PCCA: variants seen among roughly 807,000 people sequenced by gnomAD.
The protein encoded by PCCA is propionyl-CoA carboxylase alpha chain, mitochondrial.
PCCA carries 74 observed loss-of-function variants against 101.3 expected under a neutral mutation model. That is an observed-to-expected ratio of 0.73 (90% CI 0.61 to 0.89). The LOEUF is 0.89. PCCA is among the 40% of genes least tolerant of loss of function. The probability of loss-of-function intolerance (pLI) is 0.00; values close to 1 mark genes in which losing one functional copy is unlikely to be tolerated. For synonymous variants in PCCA, 294 were observed against 313.6 expected (o/e 0.94, Z 0.66); for missense variants, 891 against 907.0 (o/e 0.98, Z 0.23).
Position 100,102,964 on chromosome 13 carries a change from A to G in PCCA, c.183+4A>G, listed in dbSNP as rs1406264920. 1 of 1,546,240 alleles carries G rather than the reference A, an allele frequency of 6.5e-7. No homozygotes were observed. The highest frequency in any genetic ancestry group is 8.9e-7 in the Non-Finnish European group (1 of 1,118,400). ...GGGATATGATCCTAATGAAAAAGTA[A>G]GTATTTAAAAGATATTCTCAACAAC... On this transcript the variant is annotated splice_donor_region_variant and intron_variant, in intron 2 of 23. Transcript: ENST00000376285.
rs182211748 is a variant in PCCA, at chr13:100,109,984, A to G, written c.184-1857A>G. ...CCATCTCTACTAAAAATACAAAGAAATTAGCCGGGCTTGGTGGTGCGCACC... is the reference window on the plus strand; with the variant it reads ...CCATCTCTACTAAAAATACAAAGAAGTTAGCCGGGCTTGGTGGTGCGCACC... On this transcript the variant is annotated intron_variant, in intron 2 of 23. Transcript: ENST00000376285. Among the ~76,000 whole-genome samples the G allele has an allele frequency of 1.4e-4, 22 of 152,214 alleles. No individual in the cohort carries two copies. The East Asian group carries it at 4.3e-3, about 29-fold the overall frequency.
At chr13:100,113,740 G>A (rs1279741029) in intron 4 of PCCA, among the ~76,000 whole-genome samples, 2 of 151,728 alleles carry the variant, frequency 1.3e-5, no homozygotes, top group Non-Finnish European at 2.9e-5. Context: ...CACCACGCTC[G>A]GCTAATTTTT....
At chr13:100,254,869 G>T (rs2061976761) in intron 8 of PCCA, among the ~76,000 whole-genome samples, 1 of 151,912 alleles carries the variant, frequency 6.6e-6, no homozygotes, top group African/African-American at 2.4e-5. Context: ...ATTGCTTAAG[G>T]CCAGGAGTTC....
chr13:100,258,017 T>A (rs2062194844), intron 9 of PCCA, among the ~76,000 whole-genome samples: 1 of 152,228 alleles, frequency 6.6e-6, no homozygotes, highest in South Asian at 2.1e-4. Context: ...ATCTAAAGAT[T>A]TAAATCAACT....
At chr13:100,251,039 A>C (rs370081349) in intron 8 of PCCA, among the ~76,000 whole-genome samples, 2 of 152,124 alleles carry the variant, frequency 1.3e-5, no homozygotes, top group African/African-American at 2.4e-5. Context: ...ACTGACCACT[A>C]TGTGGCTTGG....
intron 18 of PCCA, among the ~76,000 whole-genome samples, chr13:100,353,600 C>G (rs764204417): frequency 6.6e-6 from 1 of 152,030 alleles, no homozygotes; most frequent in Non-Finnish European, 1.5e-5. Flanking sequence ...CATCTAAAAA[C>G]GTGTGGGCTG....
intron 21 of PCCA, among the ~76,000 whole-genome samples, chr13:100,449,986 A>G (rs2081103946): frequency 6.6e-6 from 1 of 152,250 alleles, no homozygotes; most frequent in Non-Finnish European, 1.5e-5. Context: ...TTTCAAGATT[A>G]GTAAACTTGA....
At chr13:100,519,187 T>G (rs1395545707) in intron 22 of PCCA, among the ~76,000 whole-genome samples, 5 of 152,264 alleles carry the variant, frequency 3.3e-5, no homozygotes, top group Admixed American at 1.3e-4. Context: ...AATACTCATT[T>G]AATACACCAA....
chr13:100,340,452 T>C (rs953434423), intron 18 of PCCA, among the ~76,000 whole-genome samples, 193 bp downstream of exon 18: 1 of 152,180 alleles, frequency 6.6e-6, no homozygotes, highest in Non-Finnish European at 1.5e-5. Flanking sequence ...TTTTTTAAGT[T>C]CAGAAAGGAT....
In PCCA at chr13:100,157,297, G is replaced by T. The variant is rs796052019; in HGVS notation, c.425G>T (p.Gly142Val). 6.2e-7 allele frequency: 1 copy of T among 1,610,564 alleles called. No homozygotes were observed. The highest frequency in any genetic ancestry group is 8.5e-7 in the Non-Finnish European group (1 of 1,176,956). Reference protein sequence around the residue: ...KKTRAQAVHPGYGFLSENKEF... With the variant: ...KKTRAQAVHPVYGFLSENKEF... ...GCTTTCATTTCTAAGGTACATCCAG[G>T]TTATGGATTCCTTTCAGAAAACAAA... is the stretch of plus-strand genomic sequence containing the variant. Residue 142 changes from glycine to valine, a missense_variant, in exon 6 of 24, where the codon GGT (glycine) becomes GTT (valine). Physicochemically the swap from Gly to Val is moderately radical, Grantham distance 109. Transcript: ENST00000376285.
chr13:100,482,063 G>C (rs1402639815), intron 21 of PCCA, among the ~76,000 whole-genome samples: 1 of 152,220 alleles, frequency 6.6e-6, no homozygotes, highest in Non-Finnish European at 1.5e-5. Flanking sequence ...TGATTGATGT[G>C]TATTGATCTG....
chr13:100,334,482 A>C (rs1406175926), intron 17 of PCCA, among the ~76,000 whole-genome samples: 2 of 152,128 alleles, frequency 1.3e-5, no homozygotes, highest in Non-Finnish European at 2.9e-5. Flanking sequence ...GACCTAGAAG[A>C]CTCACTAAGG....
At position 100,145,927 on chromosome 13, in the gene PCCA, C is replaced by T. The variant is rs1167071791; in HGVS notation, c.301-9052C>T. ...ATATTACATGTAATTAAAAACAAAACAAAAGATAGTTTTGCTTTTTTTTTT... is the reference window on the plus strand; with the variant it reads ...ATATTACATGTAATTAAAAACAAAATAAAAGATAGTTTTGCTTTTTTTTTT... On this transcript the variant is annotated intron_variant, in intron 4 of 23. Transcript: ENST00000376285. Among the ~76,000 whole-genome samples, 4 of 144,598 alleles carry T rather than the reference C, an allele frequency of 2.8e-5. No individual in the cohort carries two copies. In the South Asian group the frequency reaches 6.8e-4, roughly 25 times the overall value. 94.9% of individuals were successfully genotyped at this position (144,598 alleles called of 152,430 possible).
intron 6 of PCCA, among the ~76,000 whole-genome samples, chr13:100,173,384 G>A (rs1490328075): frequency 6.6e-6 from 1 of 152,080 alleles, no homozygotes; most frequent in Non-Finnish European, 1.5e-5. Context: ...AACGGCATTT[G>A]GTAGAGATTC....
intron 4 of PCCA, among the ~76,000 whole-genome samples, chr13:100,145,811 A>G (rs1165721314): frequency 2.0e-5 from 3 of 151,474 alleles, no homozygotes; most frequent in African/African-American, 7.3e-5. Flanking sequence ...GCGGTGAGCC[A>G]AGATTGCACC....
rs544317827 is a variant in PCCA at position 100,397,594 on chromosome 13, A to C, written c.1747-28039A>C. On this transcript the variant is annotated intron_variant, in intron 19 of 23. Coordinates refer to ENST00000376285, the MANE Select transcript of PCCA (RefSeq NM_000282.4). ...AGGTATTCTTATTTTTAAGAGAGGG[A>C]ATTATAAAATATGCCATTTTCTAAC... Among the ~76,000 whole-genome samples the C allele has an allele frequency of 5.8e-4, 88 of 152,218 alleles. 1 individual carries two copies. The highest frequency in any genetic ancestry group is 2.0e-3 in the African/African-American group (84 of 41,526).
chr13:100,195,631 T>C (rs1447888213), intron 6 of PCCA, among the ~76,000 whole-genome samples: 1 of 152,194 alleles, frequency 6.6e-6, no homozygotes, highest in Non-Finnish European at 1.5e-5. Context: ...GCAACCAGTC[T>C]AAGGTTTTAC....
chr13:100,298,740 T>TTCCG lies in PCCA; in HGVS notation c.1066-2716_1066-2713dup, dbSNP rs747925087. Among the ~76,000 whole-genome samples the TTCCG allele has an allele frequency of 1.0e-4, 8 of 78,998 alleles. 1 individual carries two copies. The highest frequency in any genetic ancestry group is 3.0e-4 in the African/African-American group (6 of 19,724). 51.8% of individuals were successfully genotyped at this position (78,998 alleles called of 152,430 possible). A position where few individuals can be genotyped will look rare whatever the true frequency, so the allele number is the denominator to read the frequency against. On this transcript the variant is annotated intron_variant, in intron 12 of 23. Coordinates refer to ENST00000376285, the MANE Select transcript of PCCA (RefSeq NM_000282.4). Reference sequence around the variant, plus strand: ...CTTCCTTCCTTCCTTCCTTCCTTCCTTCCGTCCTTCCTTCCGTCCTTTTGT... The same window carrying TTCCG: ...CTTCCTTCCTTCCTTCCTTCCTTCCTTCCGTCCGTCCTTCCTTCCGTCCTTTTGT...
intron 22 of PCCA, among the ~76,000 whole-genome samples, chr13:100,523,585 C>T (rs996603230): frequency 4.6e-5 from 7 of 152,106 alleles, no homozygotes; most frequent in South Asian, 2.1e-4. Context: ...GTAAATGGGC[C>T]GAGGTTTCTC....
Sources: gnomAD v4.1 joint callset for allele counts (sites outside exome capture counted in the v4.1 genomes callset) on GRCh38, gnomAD v4.1.1 for gene constraint, MANE v1.5 for transcripts, NCBI Gene and HGNC (gene_info 2026-07-23, HGNC 2026-07-21) for gene names.